MYO16: variants seen among roughly 807,000 people sequenced by gnomAD.
MYO16 encodes the protein unconventional myosin-XVI.
Under a neutral mutation model 205.3 loss-of-function variants are expected in MYO16, and 94 were observed. The observed-to-expected ratio is 0.46, with a 90% CI of 0.39 to 0.54. The LOEUF is 0.54. Ranked by LOEUF, MYO16 falls within the 20% of genes least tolerant of loss-of-function variation. MYO16 has a pLI of 0.00. For synonymous variants in MYO16, 988 were observed against 954.0 expected (o/e 1.04, Z -0.66); for missense variants, 2,315 against 2,387.5 (o/e 0.97, Z 0.63).
In MYO16 at chr13:109,022,390, C is replaced by A. The variant is rs9521131; in HGVS notation, c.2796+2479C>A. Among the ~76,000 whole-genome samples, 29 of 33,284 alleles carry A rather than the reference C, an allele frequency of 8.7e-4. 1 individual carries two copies. The highest frequency in any genetic ancestry group is 2.9e-3 in the Admixed American group (5 of 1,748). The allele number at this position is 33,284 out of a possible 152,430, so 21.8% of individuals were successfully genotyped here. On this transcript the variant is annotated intron_variant, in intron 23 of 34. Transcript: ENST00000457511. ...TGTATGTATTATATATACAAATATACATATATGTATATATGTATATATTGT... is the reference window on the plus strand; with the variant it reads ...TGTATGTATTATATATACAAATATAAATATATGTATATATGTATATATTGT...
chr13:108,887,479 GATCAC>G, intron 13 of MYO16, among the ~76,000 whole-genome samples: 1 of 152,058 alleles, frequency 6.6e-6, no homozygotes, highest in East Asian at 1.9e-4. Context: ...CTTTATTGTA[GATCAC>G]ATCACTTTGA....
At chr13:108,613,555 T>C (rs1016031351) in intron 1 of MYO16, among the ~76,000 whole-genome samples, 10 of 152,184 alleles carry the variant, frequency 6.6e-5, no homozygotes, top group South Asian at 2.1e-4. Flanking sequence ...AGACATTCCA[T>C]AGAAACTCCA....
In MYO16 at chr13:109,161,359, GT is replaced by G. The variant is rs199575435; in HGVS notation, c.5165-3541del. On this transcript the variant is annotated intron_variant, in intron 32 of 34. Coordinates refer to ENST00000457511, the MANE Select transcript of MYO16 (RefSeq NM_001198950.3). Reference sequence around the variant, plus strand: ...GAGCCAAGAGTAAAAGAATGACTGTGTGGGGACTGCTGAGCCCTCTGGGCCT... The same window carrying G: ...GAGCCAAGAGTAAAAGAATGACTGTGGGGGACTGCTGAGCCCTCTGGGCCT... Among the ~76,000 whole-genome samples the G allele has an allele frequency of 8.5e-3, 1,297 of 152,344 alleles. 24 individuals carry two copies. Among genetic ancestry groups the G allele is most frequent in the African/African-American group, 0.03 (1,249 of 41,574 alleles).
chr13:109,025,641 C>T (rs1167783177), intron 23 of MYO16, among the ~76,000 whole-genome samples: 1 of 152,012 alleles, frequency 6.6e-6, no homozygotes, highest in Admixed American at 6.6e-5. Flanking sequence ...GATGGATAAG[C>T]ATTAAATTCA....
At chr13:109,128,989 C>A (rs1876403855) in intron 31 of MYO16, among the ~76,000 whole-genome samples, 1 of 150,994 alleles carries the variant, frequency 6.6e-6, no homozygotes, top group Non-Finnish European at 1.5e-5. Flanking sequence ...CCAGGCTGGT[C>A]TTGAACTCCT....
intron 33 of MYO16, among the ~76,000 whole-genome samples, chr13:109,173,584 A>T (rs949181064): frequency 6.6e-6 from 1 of 152,172 alleles, no homozygotes; most frequent in East Asian, 1.9e-4. Context: ...GAGTCTACAG[A>T]GCCATGAATG....
chr13:108,880,242 T>G (rs1438049667), intron 12 of MYO16, among the ~76,000 whole-genome samples: 1 of 152,194 alleles, frequency 6.6e-6, no homozygotes, highest in Non-Finnish European at 1.5e-5. Flanking sequence ...GTTTGAATTC[T>G]TTGTAGATTC....
intron 1 of MYO16, among the ~76,000 whole-genome samples, chr13:108,620,477 AC>A (rs1202070580): frequency 1.3e-5 from 2 of 152,086 alleles, no homozygotes; most frequent in African/African-American, 4.8e-5. Flanking sequence ...GGCATCCCAG[AC>A]TCATTCTCTT....
At chr13:108,868,906 T>A (rs1212749575) in intron 12 of MYO16, among the ~76,000 whole-genome samples, 2 of 129,966 alleles carry the variant, frequency 1.5e-5, no homozygotes, top group African/African-American at 3.0e-5. Context: ...GGCAACAGAG[T>A]GAGACTCTGT....
At chr13:108,950,980 A>G (rs1367099281) in intron 16 of MYO16, among the ~76,000 whole-genome samples, 1 of 152,124 alleles carries the variant, frequency 6.6e-6, no homozygotes, top group Admixed American at 6.5e-5. Flanking sequence ...TTGTATTGAG[A>G]ACTTTATAAA....
chr13:108,608,844 AT>A (rs1045202433), intron 1 of MYO16, among the ~76,000 whole-genome samples: 1 of 152,110 alleles, frequency 6.6e-6, no homozygotes, highest in African/African-American at 2.4e-5. Context: ...GGGTTTCACC[AT>A]GTTGGCCAGG....
intron 31 of MYO16, among the ~76,000 whole-genome samples, chr13:109,137,871 C>A (rs1295089466): frequency 2.6e-5 from 4 of 152,194 alleles, no homozygotes; most frequent in Admixed American, 2.6e-4. Flanking sequence ...CCAAGCCCAG[C>A]ACAAACACAC....
intron 1 of MYO16, among the ~76,000 whole-genome samples, chr13:108,645,835 T>A (rs1438319448): frequency 2.6e-5 from 4 of 152,188 alleles, no homozygotes; most frequent in Admixed American, 6.5e-5. Flanking sequence ...CACCTTTCCC[T>A]ATGCCAAAGA....
chr13:108,701,217 C>T (rs1312770857), intron 2 of MYO16, among the ~76,000 whole-genome samples: 1 of 152,000 alleles, frequency 6.6e-6, no homozygotes. Flanking sequence ...GAGAGGGAAT[C>T]GGATTTTCAA....
the MYO16 span, among the ~76,000 whole-genome samples, chr13:108,500,190 A>G: frequency 8.7e-6 from 1 of 114,770 alleles, no homozygotes; most frequent in Non-Finnish European, 1.7e-5. Flanking sequence ...GGCCTCTGTT[A>G]TTCCCGTTGA....
At chr13:109,087,502 T>C (rs567565943) in intron 27 of MYO16, among the ~76,000 whole-genome samples, 157 of 152,248 alleles carry the variant, frequency 1.0e-3, no homozygotes, top group African/African-American at 3.8e-3. Flanking sequence ...AAAAATTAGC[T>C]GGGCGTAGTG....
At chr13:108,538,664 A>T in the MYO16 span, among the ~76,000 whole-genome samples, 1 of 152,066 alleles carries the variant, frequency 6.6e-6, no homozygotes, top group African/African-American at 2.4e-5. Context: ...ATCCCTACTG[A>T]TACAGTATCC....
chr13:108,759,550 G>A (rs1490515991), intron 4 of MYO16, among the ~76,000 whole-genome samples: 2 of 152,188 alleles, frequency 1.3e-5, no homozygotes, highest in Non-Finnish European at 2.9e-5. Flanking sequence ...GGCCGGGCGT[G>A]GTGGCTCACG....
intron 17 of MYO16, 95 bp from the exon 18 acceptor site, chr13:108,961,444 C>T (rs1041032188): frequency 2.0e-6 from 2 of 992,918 alleles, no homozygotes. Context: ...ATAGGGTCAT[C>T]ATTTTTGTAA....
Sources: allele counts gnomAD v4.1 joint callset (sites outside exome capture counted in the v4.1 genomes callset), GRCh38; gene constraint gnomAD v4.1.1; transcripts MANE v1.5; gene names NCBI Gene and HGNC (gene_info 2026-07-23, HGNC 2026-07-21).